The following SGCZ variants were observed in gnomAD, a reference collection of about 807,000 sequenced individuals.
SGCZ encodes the protein sarcoglycan zeta, also known as zeta-sarcoglycan.
In SGCZ, 40 loss-of-function variants were observed where a neutral mutation model predicts 41.3. The observed-to-expected ratio is 0.97, with a 90% CI of 0.75 to 1.26. The LOEUF is 1.26. Ranked by LOEUF, SGCZ falls within the 50% of genes most tolerant of loss-of-function variation. SGCZ has a pLI of 0.00. For missense variants in SGCZ, 552 were observed against 369.8 expected (o/e 1.49, Z -4.04); for synonymous variants, 206 against 137.5 (o/e 1.50, Z -3.49).
Position 14,596,539 on chromosome 8 carries a change from A to T in SGCZ, c.40-41613T>A, listed in dbSNP as rs902076054. ...TATAGAAATGTCTTAATAATAAAATATTTATTTTTTCTTTTTTTGCTCTGT... is the reference window on the plus strand; with the variant it reads ...TATAGAAATGTCTTAATAATAAAATTTTTATTTTTTCTTTTTTTGCTCTGT... On this transcript the variant is annotated intron_variant, in intron 1 of 7. Coordinates refer to ENST00000382080, the MANE Select transcript of SGCZ (RefSeq NM_139167.4). 9.8e-5 allele frequency among the ~76,000 whole-genome samples: 15 copies of T among 152,308 alleles called. 1 individual carries two copies. Among genetic ancestry groups the T allele is most frequent in the African/African-American group, 3.6e-4 (15 of 41,570 alleles).
intron 1 of SGCZ, among the ~76,000 whole-genome samples, chr8:15,188,163 A>G (rs1194478272): frequency 2.0e-5 from 3 of 152,058 alleles, no homozygotes. Context: ...TCCAAACATC[A>G]TAGTTCATTC....
chr8:15,013,485 T>C (rs2130930176), intron 1 of SGCZ, among the ~76,000 whole-genome samples: 1 of 152,296 alleles, frequency 6.6e-6, no homozygotes, highest in East Asian at 1.9e-4. Flanking sequence ...ATCACTTAAG[T>C]AATGCCTATT....
At chr8:14,420,376 A>G (rs1585485724) in intron 2 of SGCZ, among the ~76,000 whole-genome samples, 3 of 152,096 alleles carry the variant, frequency 2.0e-5, no homozygotes, top group African/African-American at 7.2e-5. Flanking sequence ...GCTATTTGCA[A>G]CAAAGTCTGT....
chr8:14,645,466 ATATATATATATTTATATG>A (rs1807176957), intron 1 of SGCZ, among the ~76,000 whole-genome samples: 2 of 122,094 alleles, frequency 1.6e-5, no homozygotes, highest in East Asian at 5.1e-4. Context: ...ATCATTGATT[ATATATATATATTTATATG>A]TATATATATA....
intron 2 of SGCZ, among the ~76,000 whole-genome samples, chr8:14,529,674 T>C (rs2117121570): frequency 6.6e-6 from 1 of 152,208 alleles, no homozygotes; most frequent in East Asian, 1.9e-4. Flanking sequence ...TCTATCAGTG[T>C]TTCATGAGAT....
intron 1 of SGCZ, among the ~76,000 whole-genome samples, chr8:14,574,939 G>T (rs150311338): frequency 6.6e-6 from 1 of 151,932 alleles, no homozygotes. Flanking sequence ...CATCAAGAAC[G>T]CACAAAAATA....
At chr8:14,390,519 A>G (rs1406477767) in intron 2 of SGCZ, among the ~76,000 whole-genome samples, 1 of 151,906 alleles carries the variant, frequency 6.6e-6, no homozygotes, top group Non-Finnish European at 1.5e-5. Context: ...GGAACATGAA[A>G]TTTACATGAA....
intron 1 of SGCZ, among the ~76,000 whole-genome samples, chr8:15,081,251 G>C (rs1805736866): frequency 6.6e-6 from 1 of 152,042 alleles, no homozygotes; most frequent in South Asian, 2.1e-4. Context: ...TCCAATTTTT[G>C]TATTTCCGCA....
chr8:14,719,599 G>C (rs983837882), intron 1 of SGCZ, among the ~76,000 whole-genome samples: 1 of 152,054 alleles, frequency 6.6e-6, no homozygotes, highest in Admixed American at 6.6e-5. Flanking sequence ...TTTCCCTGAT[G>C]GCCAGAGATG....
chr8:14,771,187 G>A (rs764458368), intron 1 of SGCZ, among the ~76,000 whole-genome samples: 5 of 152,110 alleles, frequency 3.3e-5, no homozygotes, highest in Non-Finnish European at 7.4e-5. Flanking sequence ...AAGGGTCAGT[G>A]CAATGGAAAT....
intron 2 of SGCZ, among the ~76,000 whole-genome samples, chr8:14,476,337 G>T (rs1285778173): frequency 6.6e-6 from 1 of 152,022 alleles, no homozygotes; most frequent in African/African-American, 2.4e-5. Context: ...CAGAACACTG[G>T]ACTTGTGGGC....
At chr8:15,129,602 G>A (rs180806553) in intron 1 of SGCZ, among the ~76,000 whole-genome samples, 2 of 149,202 alleles carry the variant, frequency 1.3e-5, no homozygotes, top group African/African-American at 4.9e-5. Flanking sequence ...CTTGAGAAAA[G>A]TGCTTGATAA....
At chr8:15,076,513 C>G (rs1402874884) in intron 1 of SGCZ, among the ~76,000 whole-genome samples, 1 of 152,158 alleles carries the variant, frequency 6.6e-6, no homozygotes, top group Non-Finnish European at 1.5e-5. Context: ...TCAATTCAGT[C>G]TGAACACACC....
intron 1 of SGCZ, among the ~76,000 whole-genome samples, chr8:14,581,786 A>T (rs2117260698): frequency 6.6e-6 from 1 of 152,196 alleles, no homozygotes; most frequent in South Asian, 2.1e-4. Flanking sequence ...AAATGAAATT[A>T]GTGAACAAAA....
chr8:14,588,032 A>G (rs1001725554), intron 1 of SGCZ, among the ~76,000 whole-genome samples: 4 of 152,136 alleles, frequency 2.6e-5, no homozygotes, highest in African/African-American at 7.2e-5. Context: ...ATAATATTAG[A>G]AATTTTTATA....
intron 1 of SGCZ, among the ~76,000 whole-genome samples, chr8:14,940,961 T>A (rs933444279): frequency 5.3e-5 from 8 of 151,966 alleles, no homozygotes; most frequent in Non-Finnish European, 7.4e-5. Context: ...TAATTTATAA[T>A]ATCTGTTGTA....
chr8:14,727,341 G>A (rs765009669), intron 1 of SGCZ, among the ~76,000 whole-genome samples: 2 of 152,108 alleles, frequency 1.3e-5, no homozygotes, highest in Non-Finnish European at 2.9e-5. Context: ...AACTACTAAA[G>A]AAGATGTGTA....
chr8:14,790,168 A>T (rs1445745330), intron 1 of SGCZ, among the ~76,000 whole-genome samples: 1 of 152,204 alleles, frequency 6.6e-6, no homozygotes, highest in Admixed American at 6.5e-5. Context: ...CGACTTTCTG[A>T]GGGCCAGTGC....
chr8:14,565,724 A>G (rs1334399564), intron 1 of SGCZ, among the ~76,000 whole-genome samples: 2 of 152,136 alleles, frequency 1.3e-5, no homozygotes, highest in Non-Finnish European at 2.9e-5. Flanking sequence ...GTAAGAAAAC[A>G]TATCCAGAAA....
Sources: gnomAD v4.1 joint callset for allele counts (sites outside exome capture counted in the v4.1 genomes callset) on GRCh38, gnomAD v4.1.1 for gene constraint, MANE v1.5 for transcripts, NCBI Gene and HGNC (gene_info 2026-07-23, HGNC 2026-07-21) for gene names.